RP1L1: variants seen among roughly 807,000 people sequenced by gnomAD.
The protein encoded by RP1L1 is RP1 like 1, also known as retinitis pigmentosa 1-like 1 protein.
A neutral mutation model predicts 15.7 loss-of-function variants in RP1L1; 27 were observed. The observed-to-expected ratio is 1.72, with a 90% CI of 1.27 to 2.38. The LOEUF (loss-of-function observed/expected upper bound fraction) is 2.38, where lower values mean the gene tolerates loss of function less well. RP1L1 is among the 30% of genes most tolerant of loss of function. The pLI, the probability that RP1L1 is intolerant of heterozygous loss-of-function variation, is 0.00. For synonymous variants in RP1L1, 1,813 were observed against 1,276.7 expected, an observed-to-expected ratio of 1.42 and a Z score of -8.96; for missense variants, 4,798 against 3,075.9, an observed-to-expected ratio of 1.56 and a Z score of -13.24.
chr8:10,609,845 C>A lies in RP1L1; in HGVS notation c.4253G>T (p.Gly1418Val), dbSNP rs546788477. Residue 1418 changes from glycine to valine, a missense_variant, in exon 4 of 4, where the codon GGG (glycine) becomes GTG (valine). Coordinates refer to ENST00000382483, the MANE Select transcript of RP1L1 (RefSeq NM_178857.6). ...TGGGTCATCTTCCTGGGAGCCTTTC[C>A]CATCCGGAGAGCTGGCCTCTGACAA... ...QELSEASSPD[G>V]KGSQEDDPVQ... The A allele has an allele frequency of 1.2e-6, 2 of 1,614,124 alleles. No homozygotes were observed. The highest frequency in any genetic ancestry group is 1.7e-6 in the Non-Finnish European group (2 of 1,180,028).
In RP1L1 at chr8:10,609,623, T is replaced by C; in HGVS notation, c.4475A>G (p.Gln1492Arg). ...GATMMGQEHT[Q>R]AQPTQGAAER... ...TGCAGCCCCCTGGGTGGGTTGGGCC[T>C]GCGTGTGCTCTTGGCCCATCATGGT... The change falls in exon 4 of 4, where the codon CAG becomes CGG. Residue 1492 changes from glutamine (Q) to arginine (R), a missense_variant. Physicochemically the swap from Gln to Arg is conservative, Grantham distance 43. Coordinates refer to ENST00000382483, the MANE Select transcript of RP1L1 (RefSeq NM_178857.6). 6.2e-7 allele frequency: 1 copy of C among 1,607,646 alleles called. No individual in the cohort carries two copies.
chr8:10,643,174 C>CA (rs1203302028), intron 1 of RP1L1, among the ~76,000 whole-genome samples: 8 of 151,624 alleles, frequency 5.3e-5, no homozygotes, highest in African/African-American at 1.5e-4. Context: ...GCTGTCTCTA[C>CA]AAAAAAAACA....
chr8:10,609,385 G>A lies in RP1L1; in HGVS notation c.4713C>T (p.Ser1571=). Residue 1571 remains serine (S), a synonymous_variant, in exon 4 of 4, where the codon AGC becomes AGT. Coordinates refer to ENST00000382483, the MANE Select transcript of RP1L1 (RefSeq NM_178857.6). ...GGAGCTTCTGGAGCTCTCTCTTGGT[G>A]CTGTCCTGGAGGCGTTGGGCCACGT... ...QQDVAQRLQD[S]TKRELQKLQG... 6.2e-7 allele frequency: 1 copy of A among 1,612,460 alleles called. No individual in the cohort carries two copies. Among genetic ancestry groups the A allele is most frequent in the Non-Finnish European group, 8.5e-7 (1 of 1,179,934 alleles).
At chr8:10,626,590 A>G (rs1479480675) in intron 1 of RP1L1, among the ~76,000 whole-genome samples, 12 of 152,236 alleles carry the variant, frequency 7.9e-5, no homozygotes, top group Non-Finnish European at 1.2e-4. Context: ...GCCACAGGTC[A>G]TAAGAGCACT....
chr8:10,610,618 T>A lies in RP1L1; in HGVS notation c.3480A>T (p.Gly1160=). 1 of 1,613,540 alleles carries A rather than the reference T, an allele frequency of 6.2e-7. No homozygotes were observed. Among genetic ancestry groups the A allele is most frequent in the Non-Finnish European group, 8.5e-7 (1 of 1,179,990 alleles). The part of the protein sequence containing the change: ...LLSISKDLWP[G]CDVGEDQLDS... ...CCAGCTGGTCTTCCCCAACGTCACA[T>A]CCTGGCCACAGGTCCTTCGAGATGC... is the stretch of plus-strand genomic sequence containing the variant. Residue 1160 remains glycine (G), a synonymous_variant, in exon 4 of 4, where the codon GGA becomes GGT. Transcript: ENST00000382483.
rs752610114 is a variant in RP1L1 at position 10,610,448 on chromosome 8, C to T, written c.3650G>A (p.Cys1217Tyr). The change falls in exon 4 of 4, where the codon TGT becomes TAT. Residue 1217 changes from cysteine to tyrosine, a missense_variant. By Grantham distance (194) the Cys-to-Tyr change is radical (BLOSUM62 -2). Coordinates refer to ENST00000382483, the MANE Select transcript of RP1L1 (RefSeq NM_178857.6). ...SGGSGESSVP[C>Y]AMDGTLVTQG... ...TGTCACCAGGGTGCCGTCCATGGCA[C>T]AGGGTACGCTACTCTCCCCTGAGCC... 3 of 1,613,836 alleles carry T rather than the reference C, an allele frequency of 1.9e-6. No individual in the cohort carries two copies. Among genetic ancestry groups the T allele is most frequent in the Admixed American group, 1.7e-5 (1 of 60,020 alleles).
chr8:10,622,195 C>G (rs1798070286), intron 2 of RP1L1, among the ~76,000 whole-genome samples: 1 of 152,044 alleles, frequency 6.6e-6, no homozygotes, highest in African/African-American at 2.4e-5. Flanking sequence ...GTAGCACATG[C>G]CTGTAATCCC....
chr8:10,607,462 T>A lies in RP1L1; in HGVS notation c.6636A>T (p.Val2212=), dbSNP rs201884129. 1.2e-6 allele frequency: 2 copies of A among 1,613,714 alleles called. No individual in the cohort carries two copies. Among genetic ancestry groups the A allele is most frequent in the Non-Finnish European group, 1.7e-6 (2 of 1,179,848 alleles). The change falls in exon 4 of 4, where the codon GTA becomes GTT. Residue 2212 remains valine (V), a synonymous_variant. Transcript: ENST00000382483. ...CCTCCTCTTCAGCCTCCGGGGCCTC[T>A]ACACCTTCTAACTCTGGTTGGGCCT... is the stretch of plus-strand genomic sequence containing the variant. ...EGEAQPELEG[V]EAPEAEEEAQ...
At chr8:10,618,088 T>C (rs191110163) in intron 2 of RP1L1, among the ~76,000 whole-genome samples, 3 of 152,352 alleles carry the variant, frequency 2.0e-5, no homozygotes, top group Admixed American at 2.0e-4. Flanking sequence ...GCACAGAGCA[T>C]GTTCTTTTTC....
intron 1 of RP1L1, among the ~76,000 whole-genome samples, chr8:10,636,483 G>C (rs1798331595): frequency 6.6e-6 from 1 of 152,176 alleles, no homozygotes; most frequent in Non-Finnish European, 1.5e-5. Context: ...GATTGACTGA[G>C]CCTCGCCTGT....
At chr8:10,650,700 T>G (rs1466120494) in intron 1 of RP1L1, among the ~76,000 whole-genome samples, 1 of 152,074 alleles carries the variant, frequency 6.6e-6, no homozygotes, top group Non-Finnish European at 1.5e-5. Flanking sequence ...TAGCTGCAAC[T>G]ACAGGTGTGT....
intron 2 of RP1L1, among the ~76,000 whole-genome samples, chr8:10,617,239 G>A (rs1797982053): frequency 1.3e-5 from 2 of 152,020 alleles, no homozygotes; most frequent in African/African-American, 4.8e-5. Context: ...CCAGGAAACT[G>A]GTCCCTGGAC....
rs1293473736 is a variant in RP1L1 at position 10,611,117 on chromosome 8, G to C, written c.2981C>G (p.Pro994Arg). The C allele has an allele frequency of 3.1e-6, 5 of 1,612,916 alleles. No homozygotes were observed. The East Asian group carries it at 1.1e-4, about 36-fold the overall frequency. ...GCCTTCCAGAGAATGGTCATCCCCA[G>C]GGTCCACCTCGGGGCCTCTCAGGCC... Reference protein sequence around the residue: ...GGGLRGPEVDPGDDHSLEGLG... With the variant: ...GGGLRGPEVDRGDDHSLEGLG... Residue 994 changes from proline to arginine, a missense_variant, in exon 4 of 4, where the codon CCT (proline) becomes CGT (arginine). Transcript: ENST00000382483.
rs1797804157 is a variant in RP1L1, at chr8:10,610,069, T to G, written c.4029A>C (p.Glu1343Asp). Reference protein sequence around the residue: ...EEGVQLEETKETEGEGQQEEE... With the variant: ...EEGVQLEETKDTEGEGQQEEE... ...CTTCTTGCTGTCCTTCTCCTTCTGT[T>G]TCTTTAGTTTCCTCTAACTGCACCC... The change falls in exon 4 of 4, where the codon GAA (glutamate) becomes GAC (aspartate). Residue 1343 changes from glutamate (E) to aspartate (D), a missense_variant. Physicochemically the swap from Glu to Asp is conservative, Grantham distance 45. Coordinates refer to ENST00000382483, the MANE Select transcript of RP1L1 (RefSeq NM_178857.6). 1.4e-6 allele frequency: 2 copies of G among 1,411,730 alleles called. No homozygotes were observed. The highest frequency in any genetic ancestry group is 1.3e-5 in the South Asian group (1 of 77,470). 87.5% of individuals were successfully genotyped at this position (1,411,730 alleles called of 1,614,324 possible).
intron 1 of RP1L1, among the ~76,000 whole-genome samples, chr8:10,650,463 G>A (rs1420347352): frequency 4.6e-5 from 7 of 152,048 alleles, no homozygotes; most frequent in African/African-American, 1.7e-4. Context: ...GAGCTGTCAC[G>A]TGACCAAGGC....
At position 10,610,206 on chromosome 8, in the gene RP1L1, G is replaced by C. The variant is rs1237272674; in HGVS notation, c.3892C>G (p.Gln1298Glu). The change falls in exon 4 of 4, where the codon CAA becomes GAA. Residue 1298 changes from glutamine to glutamate, a missense_variant. Coordinates refer to ENST00000382483, the MANE Select transcript of RP1L1 (RefSeq NM_178857.6). ...NLEQLAENTV[Q>E]EEVQLEETKE... ...GTTTCCTCTAATTGCACCTCTTCTT[G>C]CACTGTGTTTTCAGCTAACTGCTCC... The C allele has an allele frequency of 7.5e-6, 11 of 1,465,370 alleles. No individual in the cohort carries two copies. Among genetic ancestry groups the C allele is most frequent in the Non-Finnish European group, 1.0e-5 (11 of 1,078,032 alleles). 90.8% of individuals were successfully genotyped at this position (1,465,370 alleles called of 1,614,324 possible). A position where few individuals can be genotyped will look rare whatever the true frequency, so the allele number is the denominator to read the frequency against.
Position 10,611,128 on chromosome 8 carries a change from G to A in RP1L1, c.2970C>T (p.Pro990=), listed in dbSNP as rs761717063. Residue 990 remains proline, a synonymous_variant, in exon 4 of 4, where the codon CCC becomes CCT. Transcript: ENST00000382483. The part of the protein sequence containing the change: ...TGAAGGGLRG[P]EVDPGDDHSL... ...AATGGTCATCCCCAGGGTCCACCTC[G>A]GGGCCTCTCAGGCCACCCCCAGCTG... 38 of 1,612,770 alleles carry A rather than the reference G, an allele frequency of 2.4e-5. No homozygotes were observed. Among genetic ancestry groups the A allele is most frequent in the Middle Eastern group, 1.6e-4 (1 of 6,080 alleles).
chr8:10,610,373 C>G lies in RP1L1; in HGVS notation c.3725G>C (p.Arg1242Thr). The G allele has an allele frequency of 6.2e-7, 1 of 1,614,112 alleles. No homozygotes were observed. Among genetic ancestry groups the G allele is most frequent in the East Asian group, 2.2e-5 (1 of 44,874 alleles). The change falls in exon 4 of 4, where the codon AGA becomes ACA. Residue 1242 changes from arginine (R) to threonine (T), a missense_variant. Physicochemically the swap from Arg to Thr is moderately conservative, Grantham distance 71 (BLOSUM62 -1). Coordinates refer to ENST00000382483, the MANE Select transcript of RP1L1 (RefSeq NM_178857.6). The part of the protein sequence containing the change: ...LKTSNQRPDS[R>T]TYESPGDLEN... The stretch of plus-strand genomic sequence containing the variant: ...CAGATCCCCTGGGCTCTCATAAGTT[C>G]TTGAATCAGGCCTCTGGTTGGAGGT...
chr8:10,610,849 C>A lies in RP1L1; in HGVS notation c.3249G>T (p.Thr1083=). 4 of 1,608,234 alleles carry A rather than the reference C, an allele frequency of 2.5e-6. No individual in the cohort carries two copies. The change falls in exon 4 of 4, where the codon ACG becomes ACT. Residue 1083 remains threonine (T), a synonymous_variant. Coordinates refer to ENST00000382483, the MANE Select transcript of RP1L1 (RefSeq NM_178857.6). ...RALPGRVSAS[T]QIMRALMGSK... is the part of the protein sequence containing the mutation. ...AGCCCATCAGCGCCCTCATGATCTGCGTGGAGGCAGACACCCGGCCAGGAA... is the reference window on the plus strand; with the variant it reads ...AGCCCATCAGCGCCCTCATGATCTGAGTGGAGGCAGACACCCGGCCAGGAA...
Sources: allele counts gnomAD v4.1 joint callset (sites outside exome capture counted in the v4.1 genomes callset), GRCh38; gene constraint gnomAD v4.1.1; transcripts MANE v1.5; gene names NCBI Gene and HGNC (gene_info 2026-07-23, HGNC 2026-07-21).